DCLK1: variants seen among roughly 807,000 people sequenced by gnomAD.
DCLK1 encodes serine/threonine-protein kinase DCLK1.
A neutral mutation model predicts 86.2 loss-of-function variants in DCLK1; 16 were observed. That is an observed-to-expected ratio of 0.19 (90% CI 0.13 to 0.28). The LOEUF (loss-of-function observed/expected upper bound fraction) is 0.28. Among genes scored for constraint, DCLK1 ranks in the 10% least tolerant of loss-of-function variants. DCLK1 has a pLI of 1.00. For synonymous variants in DCLK1, 369 were observed against 370.5 expected (o/e 1.00, Z 0.05); for missense variants, 590 against 940.2 (o/e 0.63, Z 4.87).
chr13:36,130,310 G>C (rs1389897397), intron 1 of DCLK1, among the ~76,000 whole-genome samples: 1 of 152,168 alleles, frequency 6.6e-6, no homozygotes, highest in Non-Finnish European at 1.5e-5. Context: ...GTCGCTGAAC[G>C]TGTGTGCACC....
At chr13:36,064,409 C>A (rs1288057862) in intron 3 of DCLK1, among the ~76,000 whole-genome samples, 1 of 152,118 alleles carries the variant, frequency 6.6e-6, no homozygotes, top group Non-Finnish European at 1.5e-5. Flanking sequence ...GCCTGTAATC[C>A]CAGTACTTTG....
chr13:35,964,887 C>T (rs1878649584), intron 3 of DCLK1, among the ~76,000 whole-genome samples: 1 of 152,086 alleles, frequency 6.6e-6, no homozygotes, highest in Non-Finnish European at 1.5e-5. Context: ...GGAACACAGC[C>T]ATGCTCGCTT....
chr13:35,981,649 A>G (rs2153141694), intron 3 of DCLK1, among the ~76,000 whole-genome samples: 2 of 152,300 alleles, frequency 1.3e-5, no homozygotes, highest in East Asian at 1.9e-4. Context: ...CTGAATAATC[A>G]TCCATTGTAT....
chr13:36,077,411 C>G (rs1884251653), intron 3 of DCLK1, among the ~76,000 whole-genome samples: 1 of 152,122 alleles, frequency 6.6e-6, no homozygotes, highest in Admixed American at 6.6e-5. Context: ...TGCCAGCATC[C>G]CCCTGGAAAT....
chr13:36,060,210 A>G (rs1214622396), intron 3 of DCLK1, among the ~76,000 whole-genome samples: 1 of 152,206 alleles, frequency 6.6e-6, no homozygotes. Flanking sequence ...TATTCAATTC[A>G]CATGAGCTAT....
chr13:35,979,387 G>A (rs1418837559), intron 3 of DCLK1, among the ~76,000 whole-genome samples: 2 of 152,222 alleles, frequency 1.3e-5, no homozygotes, highest in African/African-American at 2.4e-5. Context: ...GCCAGAAAGA[G>A]GACATGTGAA....
intron 3 of DCLK1, among the ~76,000 whole-genome samples, chr13:36,091,021 G>T (rs559713688): frequency 3.3e-5 from 5 of 152,098 alleles, no homozygotes; most frequent in Non-Finnish European, 7.4e-5. Context: ...TCCTTCACCC[G>T]CTTTTTGATG....
chr13:36,071,942 G>A (rs1369779276), intron 3 of DCLK1, among the ~76,000 whole-genome samples: 2 of 152,174 alleles, frequency 1.3e-5, no homozygotes, highest in Non-Finnish European at 2.9e-5. Flanking sequence ...TATATTGATC[G>A]AGAGAGGCAT....
At chr13:36,038,477 C>CT (rs1334502145) in intron 3 of DCLK1, among the ~76,000 whole-genome samples, 1 of 152,204 alleles carries the variant, frequency 6.6e-6, no homozygotes, top group Non-Finnish European at 1.5e-5. Context: ...TGGGGCAGAA[C>CT]TTTAAGTCAA....
intron 6 of DCLK1, chr13:35,846,997 A>C (rs1365241466): frequency 1.0e-6 from 1 of 985,168 alleles, no homozygotes; most frequent in African/African-American, 1.7e-5. Context: ...TTCCAACATT[A>C]TACTTGACAA....
rs1043165707 is a variant in DCLK1 at position 35,772,727 on chromosome 13, C to T, written c.*1808G>A. 1.3e-5 allele frequency: 2 copies of T among 151,786 alleles called. 1 individual carries two copies. The highest frequency in any genetic ancestry group is 2.9e-5 in the Non-Finnish European group (2 of 67,976). 9.4% of individuals were successfully genotyped at this position (151,786 alleles called of 1,614,324 possible). A position where few individuals can be genotyped will look rare whatever the true frequency, so the allele number is the denominator to read the frequency against. On this transcript the variant is annotated 3_prime_UTR_variant, in exon 17 of 17. Transcript: ENST00000360631. The stretch of plus-strand genomic sequence containing the variant: ...TTTTACATGTCAGGACAACACAGAC[C>T]ACAGAGATGAACCTAAATGTAAAAG...
intron 4 of DCLK1, among the ~76,000 whole-genome samples, chr13:35,925,589 A>G (rs1876067867): frequency 6.6e-6 from 1 of 152,192 alleles, no homozygotes; most frequent in African/African-American, 2.4e-5. Flanking sequence ...GTTAACAAAA[A>G]GTCTTATTCC....
At chr13:35,855,852 A>G (rs975134000) in intron 5 of DCLK1, 1 of 1,163,630 alleles carries the variant, frequency 8.6e-7, no homozygotes, top group African/African-American at 1.6e-5. Flanking sequence ...GCACTGAATC[A>G]TAATGAAGTG....
chr13:35,797,891 C>A (rs1327700031), intron 15 of DCLK1, among the ~76,000 whole-genome samples: 1 of 152,070 alleles, frequency 6.6e-6, no homozygotes, highest in African/African-American at 2.4e-5. Context: ...ATATATACAT[C>A]TTTATCACCA....
intron 4 of DCLK1, among the ~76,000 whole-genome samples, chr13:35,881,722 G>A: frequency 6.6e-6 from 1 of 152,006 alleles, no homozygotes; most frequent in East Asian, 1.9e-4. Context: ...CTGTCTCCCT[G>A]CCAGTCTGTC....
At chr13:35,833,803 T>A (rs1829099248) in intron 8 of DCLK1, among the ~76,000 whole-genome samples, 2 of 152,248 alleles carry the variant, frequency 1.3e-5, no homozygotes, top group Admixed American at 1.3e-4. Context: ...GAATGTTTTC[T>A]GATACCTCTG....
intron 6 of DCLK1, among the ~76,000 whole-genome samples, chr13:35,842,228 C>CAAA (rs35862851): frequency 0.024 from 832 of 35,088 alleles, 167 homozygotes; most frequent in African/African-American, 0.078. Flanking sequence ...GACTCCATCT[C>CAAA]AAAAAAAAAA....
chr13:36,070,321 G>A (rs913670488), intron 3 of DCLK1, among the ~76,000 whole-genome samples: 3 of 152,146 alleles, frequency 2.0e-5, no homozygotes, highest in African/African-American at 7.2e-5. Flanking sequence ...CAAAGCCCAT[G>A]AAAGTCTTTT....
intron 3 of DCLK1, among the ~76,000 whole-genome samples, chr13:36,092,627 C>T (rs1781515938): frequency 6.6e-6 from 1 of 150,402 alleles, no homozygotes; most frequent in Non-Finnish European, 1.5e-5. Context: ...GCTGGGACTA[C>T]AGGCGCCCGC....
Sources: gnomAD v4.1 joint callset for allele counts (sites outside exome capture counted in the v4.1 genomes callset) on GRCh38, gnomAD v4.1.1 for gene constraint, MANE v1.5 for transcripts, NCBI Gene and HGNC (gene_info 2026-07-23, HGNC 2026-07-21) for gene names.